The following PARN variants were observed in gnomAD, a reference collection of about 807,000 sequenced individuals.
PARN encodes poly(A)-specific ribonuclease PARN.
PARN carries 71 observed loss-of-function variants against 102.8 expected under a neutral mutation model. That is an observed-to-expected ratio of 0.69 (90% confidence interval 0.57 to 0.84). PARN has a LOEUF of 0.84. Ranked by LOEUF, PARN falls within the 40% of genes least tolerant of loss-of-function variation. The pLI is 0.00. For synonymous variants in PARN, 261 were observed against 252.9 expected (o/e 1.03, Z -0.30); for missense variants, 782 against 760.9 (o/e 1.03, Z -0.33).
chr16:14,568,351 T>C (rs913188987), intron 18 of PARN, among the ~76,000 whole-genome samples: 2 of 151,196 alleles, frequency 1.3e-5, no homozygotes, highest in African/African-American at 4.9e-5. Flanking sequence ...TAGCTGGGAC[T>C]ACAGGTACCC....
intron 5 of PARN, among the ~76,000 whole-genome samples, chr16:14,623,680 T>C (rs559482353): frequency 6.6e-6 from 1 of 151,422 alleles, no homozygotes; most frequent in African/African-American, 2.4e-5. Flanking sequence ...CCATTAAAAA[T>C]ACAAAAATTA....
intron 23 of PARN, 147 bp downstream of exon 23, chr16:14,446,741 T>C: frequency 1.8e-6 from 1 of 567,750 alleles, no homozygotes; most frequent in East Asian, 3.0e-5. Flanking sequence ...TAAATTAAAT[T>C]GATCCTAAAA....
intron 10 of PARN, among the ~76,000 whole-genome samples, chr16:14,605,110 C>G (rs1004134151): frequency 2.0e-5 from 3 of 150,372 alleles, no homozygotes; most frequent in African/African-American, 7.4e-5. Context: ...TGGCTAATTT[C>G]TTTTTATATT....
chr16:14,561,817 T>C (rs1968086352), intron 18 of PARN, among the ~76,000 whole-genome samples: 3 of 152,178 alleles, frequency 2.0e-5, no homozygotes, highest in South Asian at 4.2e-4. Context: ...ACACAATAAA[T>C]AAACAATTAA....
At chr16:14,560,466 A>T (rs1967986422) in intron 18 of PARN, among the ~76,000 whole-genome samples, 1 of 152,258 alleles carries the variant, frequency 6.6e-6, no homozygotes, top group South Asian at 2.1e-4. Flanking sequence ...CATTAACTTT[A>T]TCAAACACTA....
intron 5 of PARN, among the ~76,000 whole-genome samples, chr16:14,618,869 C>T (rs1451357829): frequency 6.6e-6 from 1 of 151,884 alleles, no homozygotes; most frequent in Admixed American, 6.6e-5. Flanking sequence ...TAATGAAAGC[C>T]CAAAATCTTA....
intron 18 of PARN, among the ~76,000 whole-genome samples, chr16:14,572,341 T>C (rs1968863470): frequency 6.6e-6 from 1 of 152,038 alleles, no homozygotes; most frequent in African/African-American, 2.4e-5. Flanking sequence ...GAAGAAATCT[T>C]TTCTTTTTTT....
At chr16:14,457,952 G>T (rs1391949861) in intron 22 of PARN, among the ~76,000 whole-genome samples, 1 of 151,460 alleles carries the variant, frequency 6.6e-6, no homozygotes, top group Admixed American at 6.6e-5. Context: ...GTGTGTGAGA[G>T]AGAGAGACAG....
chr16:14,456,328 CCTGA>C (rs1331717937), intron 22 of PARN, among the ~76,000 whole-genome samples: 1 of 152,020 alleles, frequency 6.6e-6, no homozygotes, highest in Non-Finnish European at 1.5e-5. Flanking sequence ...CACTACCACA[CCTGA>C]CTAATTTTTA....
intron 7 of PARN, among the ~76,000 whole-genome samples, chr16:14,610,052 A>AAAAAT (rs144968040): frequency 6.6e-6 from 1 of 152,188 alleles, no homozygotes; most frequent in Non-Finnish European, 1.5e-5. Context: ...CTCTATTAAA[A>AAAAAT]AAAATAAAAT....
At chr16:14,549,937 T>C (rs1052738808) in intron 21 of PARN, among the ~76,000 whole-genome samples, 2 of 152,294 alleles carry the variant, frequency 1.3e-5, no homozygotes, top group Non-Finnish European at 1.5e-5. Context: ...CAAAGACACA[T>C]GGCTGACAAG....
chr16:14,517,553 G>A (rs370842762), intron 21 of PARN, among the ~76,000 whole-genome samples: 2 of 152,214 alleles, frequency 1.3e-5, no homozygotes, highest in Admixed American at 1.3e-4. Context: ...GGTTTAGAAC[G>A]AGGAGGACAT....
At chr16:14,484,361 G>GCA (rs1367318859) in intron 21 of PARN, among the ~76,000 whole-genome samples, 1 of 152,130 alleles carries the variant, frequency 6.6e-6, no homozygotes, top group Non-Finnish European at 1.5e-5. Flanking sequence ...TCCAGTTTAG[G>GCA]CATATGCGTT....
intron 14 of PARN, among the ~76,000 whole-genome samples, chr16:14,585,250 T>G (rs959380446): frequency 1.3e-5 from 2 of 152,178 alleles, no homozygotes; most frequent in African/African-American, 4.8e-5. Context: ...AGGGCCAAAA[T>G]CTACAATCAG....
At chr16:14,474,336 T>C (rs1962922272) in intron 22 of PARN, among the ~76,000 whole-genome samples, 1 of 152,226 alleles carries the variant, frequency 6.6e-6, no homozygotes, top group Non-Finnish European at 1.5e-5. Flanking sequence ...GTCTTTATTA[T>C]TGTAGCGTCA....
intron 5 of PARN, among the ~76,000 whole-genome samples, chr16:14,621,065 T>C (rs571881050): frequency 6.6e-6 from 1 of 152,172 alleles, no homozygotes; most frequent in African/African-American, 2.4e-5. Context: ...TAGAAGCACA[T>C]GCAAATCACT....
chr16:14,471,858 A>G (rs1177449990), intron 22 of PARN, among the ~76,000 whole-genome samples: 1 of 152,198 alleles, frequency 6.6e-6, no homozygotes, highest in Non-Finnish European at 1.5e-5. Flanking sequence ...TCTTAACCAA[A>G]TTACATTTTT....
intron 17 of PARN, 148 bp downstream of exon 17, chr16:14,582,033 A>G (rs1266209686): frequency 1.5e-6 from 1 of 653,086 alleles, no homozygotes; most frequent in East Asian, 2.6e-5. Flanking sequence ...TGGGTCTTGG[A>G]CTTTCCAGCC....
chr16:14,568,442 T>TA (rs35069693), intron 18 of PARN, among the ~76,000 whole-genome samples: 17,116 of 136,932 alleles, frequency 0.12, 1,341 homozygotes, highest in Middle Eastern at 0.2. Flanking sequence ...ATGAAAAACT[T>TA]AAAAAAAAAA....
Sources: gnomAD v4.1 joint callset for allele counts (sites outside exome capture counted in the v4.1 genomes callset) on GRCh38, gnomAD v4.1.1 for gene constraint, MANE v1.5 for transcripts, NCBI Gene and HGNC (gene_info 2026-07-23, HGNC 2026-07-21) for gene names.